NSUN6: variants seen among roughly 807,000 people sequenced by gnomAD.
The protein encoded by NSUN6 is tRNA (cytosine(72)-C(5))-methyltransferase NSUN6.
Under a neutral mutation model 58.0 loss-of-function variants are expected in NSUN6, and 64 were observed. The ratio of observed to expected loss-of-function variants is 1.10; its 90% CI spans 0.90 to 1.36. The LOEUF is 1.36. NSUN6 is among the 40% of genes most tolerant of loss of function. The pLI is 0.00. For missense variants in NSUN6, 701 were observed against 550.1 expected, an observed-to-expected ratio of 1.27 and a Z score of -2.74; for synonymous variants, 231 against 193.9, an observed-to-expected ratio of 1.19 and a Z score of -1.59.
chr10:18,627,118 G>A (rs2058839454), intron 3 of NSUN6, among the ~76,000 whole-genome samples: 1 of 152,066 alleles, frequency 6.6e-6, no homozygotes, highest in Non-Finnish European at 1.5e-5. Context: ...TAAATTACCA[G>A]ACAAAAATCT....
At chr10:18,546,858 T>A (rs925741478) in intron 10 of NSUN6, among the ~76,000 whole-genome samples, 2 of 144,678 alleles carry the variant, frequency 1.4e-5, no homozygotes, top group African/African-American at 5.2e-5. Flanking sequence ...AGCGACAGAG[T>A]GACACTCCAT....
intron 7 of NSUN6, among the ~76,000 whole-genome samples, chr10:18,590,712 A>G (rs901971574): frequency 6.6e-6 from 1 of 152,222 alleles, no homozygotes; most frequent in African/African-American, 2.4e-5. Context: ...AACCAATGAG[A>G]ACAAAGAGAC....
At chr10:18,574,080 A>G (rs1033369548) in intron 8 of NSUN6, among the ~76,000 whole-genome samples, 1 of 152,028 alleles carries the variant, frequency 6.6e-6, no homozygotes, top group African/African-American at 2.4e-5. Context: ...GTTAATGTGG[A>G]CAGTGGAGTA....
intron 6 of NSUN6, among the ~76,000 whole-genome samples, chr10:18,604,294 G>A (rs944444155): frequency 6.6e-6 from 1 of 152,068 alleles, no homozygotes; most frequent in African/African-American, 2.4e-5. Context: ...ATACTTCAAG[G>A]ATCTAAGCAA....
intron 7 of NSUN6, among the ~76,000 whole-genome samples, chr10:18,587,999 G>A (rs145143637): frequency 4.3e-4 from 65 of 152,194 alleles, no homozygotes; most frequent in African/African-American, 1.4e-3. Flanking sequence ...CCACTGTCAC[G>A]GAGCCCAGCA....
chr10:18,578,231 ATT>A lies in NSUN6; in HGVS notation c.922+7716_922+7717del, dbSNP rs71402184. ...TCCATGGAGCCTCTTCTCTAAGCCT[ATT>A]TTTTTTTTTTTTTTTTTGAGATGGA... On this transcript the variant is annotated intron_variant, in intron 8 of 10. Transcript: ENST00000377304. Among the ~76,000 whole-genome samples, 43 of 121,136 alleles carry A rather than the reference ATT, an allele frequency of 3.5e-4. 1 individual carries two copies. The highest frequency in any genetic ancestry group is 1.2e-3 in the East Asian group (5 of 4,266). 79.5% of individuals were successfully genotyped at this position (121,136 alleles called of 152,430 possible).
upstream of NSUN6, chr10:18,651,676 C>T (rs1044269916): frequency 2.0e-6 from 2 of 985,978 alleles, no homozygotes; most frequent in Non-Finnish European, 2.4e-6. Context: ...CCCTCCCTTT[C>T]CGGTCCCCCA....
At chr10:18,602,455 C>A (rs1390516880) in intron 6 of NSUN6, among the ~76,000 whole-genome samples, 1 of 152,054 alleles carries the variant, frequency 6.6e-6, no homozygotes, top group Non-Finnish European at 1.5e-5. Flanking sequence ...AGGATGGTCT[C>A]GATCTCCTGA....
At chr10:18,557,412 G>A (rs528036934) in intron 8 of NSUN6, among the ~76,000 whole-genome samples, 10 of 150,110 alleles carry the variant, frequency 6.7e-5, no homozygotes, top group Admixed American at 3.3e-4. Flanking sequence ...GGAATGGAAT[G>A]GAGAATGGAA....
Position 18,629,369 on chromosome 10 carries a change from A to T in NSUN6, c.312-13076T>A, listed in dbSNP as rs566117122. Among the ~76,000 whole-genome samples, 942 of 152,178 alleles carry T rather than the reference A, an allele frequency of 6.2e-3. 3 individuals are homozygous for T. Among genetic ancestry groups the T allele is most frequent in the Middle Eastern group, 0.014 (4 of 294 alleles). On this transcript the variant is annotated intron_variant, in intron 3 of 10. Coordinates refer to ENST00000377304, the MANE Select transcript of NSUN6 (RefSeq NM_182543.5). ...AACTAACGAGCAAAATAACCAGCTA[A>T]CATCATAATGACAGGATCAAATTCA...
At chr10:18,547,489 A>C (rs1456673981) in intron 10 of NSUN6, among the ~76,000 whole-genome samples, 1 of 152,218 alleles carries the variant, frequency 6.6e-6, no homozygotes. Context: ...TAGATGCTCA[A>C]TGTATCTGAA....
chr10:18,566,639 A>AT (rs2055977770), intron 8 of NSUN6, among the ~76,000 whole-genome samples: 1 of 143,066 alleles, frequency 7.0e-6, no homozygotes, highest in Non-Finnish European at 1.5e-5. Flanking sequence ...ATTCCATTCC[A>AT]TTTCCCATTC....
At chr10:18,638,674 T>A (rs1209071548) in intron 3 of NSUN6, among the ~76,000 whole-genome samples, 1 of 152,126 alleles carries the variant, frequency 6.6e-6, no homozygotes, top group Non-Finnish European at 1.5e-5. Context: ...AGGGAAATAC[T>A]ATGTGGCCTG....
chr10:18,598,727 A>C (rs774354542), intron 6 of NSUN6, among the ~76,000 whole-genome samples: 11 of 152,200 alleles, frequency 7.2e-5, no homozygotes, highest in African/African-American at 1.2e-4. Flanking sequence ...AGGCCTCCCA[A>C]AGTGTTGGGA....
chr10:18,615,865 G>C (rs2058391151), intron 4 of NSUN6, among the ~76,000 whole-genome samples: 1 of 151,930 alleles, frequency 6.6e-6, no homozygotes, highest in Admixed American at 6.6e-5. Flanking sequence ...TGACACAACA[G>C]CTTTCTGAGG....
At chr10:18,658,558 C>T (rs2059803317), upstream of NSUN6, 2 of 406,114 alleles carry the variant, frequency 4.9e-6, no homozygotes, top group African/African-American at 2.2e-5. Flanking sequence ...GCGTGGACTT[C>T]GATCTGGGAT....
At chr10:18,591,584 C>T (rs1286485721) in intron 7 of NSUN6, among the ~76,000 whole-genome samples, 26 of 152,230 alleles carry the variant, frequency 1.7e-4, no homozygotes, top group East Asian at 1.5e-3. Flanking sequence ...AATCAAAAAA[C>T]GTAATCCATC....
intron 1 of NSUN6, 140 bp downstream of exon 1, chr10:18,650,989 T>G (rs1185692398): frequency 3.4e-6 from 3 of 885,674 alleles, no homozygotes; most frequent in Non-Finnish European, 5.0e-6. Context: ...TAGAAACATA[T>G]TGGTATTTTT....
intron 8 of NSUN6, among the ~76,000 whole-genome samples, chr10:18,577,830 G>A (rs900496498): frequency 1.3e-5 from 2 of 152,026 alleles, no homozygotes; most frequent in African/African-American, 2.4e-5. Flanking sequence ...CCTGGCTCCC[G>A]CCAAACCACT....
Sources: gnomAD v4.1 joint callset for allele counts (sites outside exome capture counted in the v4.1 genomes callset) on GRCh38, gnomAD v4.1.1 for gene constraint, MANE v1.5 for transcripts, NCBI Gene and HGNC (gene_info 2026-07-23, HGNC 2026-07-21) for gene names.